The following TCERG1L variants were observed in gnomAD, a reference collection of about 807,000 sequenced individuals.
TCERG1L encodes transcription elongation regulator 1-like protein.
A neutral mutation model predicts 56.3 loss-of-function variants in TCERG1L; 37 were observed. The observed-to-expected ratio is 0.66, with a 90% CI of 0.51 to 0.87. The LOEUF is 0.87. Ranked by LOEUF, TCERG1L falls within the 40% of genes least tolerant of loss-of-function variation. The pLI, the probability that TCERG1L is intolerant of heterozygous loss-of-function variation, is 0.00. For synonymous variants in TCERG1L, 324 were observed against 326.3 expected (o/e 0.99, Z 0.08); for missense variants, 799 against 774.2 (o/e 1.03, Z -0.38).
At chr10:131,293,355 C>T (rs999093115) in intron 3 of TCERG1L, among the ~76,000 whole-genome samples, 3 of 152,124 alleles carry the variant, frequency 2.0e-5, no homozygotes, top group African/African-American at 7.2e-5. Flanking sequence ...GGAGTATCGC[C>T]GTCTTGGACA....
At chr10:131,284,609 T>G (rs1052923734) in intron 3 of TCERG1L, among the ~76,000 whole-genome samples, 1 of 152,130 alleles carries the variant, frequency 6.6e-6, no homozygotes, top group African/African-American at 2.4e-5. Flanking sequence ...AAGTTGTTTC[T>G]TTGAAGAACT....
rs180987780 is a variant in TCERG1L at position 131,093,025 on chromosome 10, G to A, written c.*137C>T. On this transcript the variant is annotated 3_prime_UTR_variant, in exon 12 of 12. Transcript: ENST00000368642. ...TATGAAACAGTAATCCTCTGAGAAC[G>A]AAGACCCCGCAGTGCCGGTGCCCGC... The A allele has an allele frequency of 4.8e-5, 37 of 774,424 alleles. No individual in the cohort carries two copies. Among genetic ancestry groups the A allele is most frequent in the African/African-American group, 4.0e-4 (23 of 57,300 alleles). The allele number at this position is 774,424 out of a possible 1,614,324, so 48.0% of individuals were successfully genotyped here.
chr10:131,280,797 G>A (rs77177013), intron 3 of TCERG1L, among the ~76,000 whole-genome samples: 2,646 of 152,116 alleles, frequency 0.017, 34 homozygotes, highest in Non-Finnish European at 0.027. Flanking sequence ...AGATGCACCC[G>A]ACAGGCTCAG....
chr10:131,298,985 T>C (rs1427468389), intron 3 of TCERG1L, among the ~76,000 whole-genome samples: 1 of 152,218 alleles, frequency 6.6e-6, no homozygotes, highest in Non-Finnish European at 1.5e-5. Flanking sequence ...TTCTGTTCTA[T>C]CAGTTTCTGT....
chr10:131,139,253 C>T (rs1008636929), intron 7 of TCERG1L, among the ~76,000 whole-genome samples: 1 of 152,222 alleles, frequency 6.6e-6, no homozygotes, highest in South Asian at 2.1e-4. Context: ...TGAAATTACA[C>T]AATCGATATG....
chr10:131,307,618 C>T (rs1846829375), intron 3 of TCERG1L, among the ~76,000 whole-genome samples: 4 of 152,076 alleles, frequency 2.6e-5, no homozygotes, highest in Admixed American at 2.6e-4. Context: ...TTATATTCCC[C>T]TGTTACTATA....
intron 4 of TCERG1L, among the ~76,000 whole-genome samples, chr10:131,190,437 C>T (rs1040679935): frequency 9.7e-6 from 1 of 103,540 alleles, no homozygotes; most frequent in Non-Finnish European, 2.2e-5. Context: ...CTAGTATCAC[C>T]CTTTTACCAA....
intron 4 of TCERG1L, among the ~76,000 whole-genome samples, chr10:131,167,271 C>T (rs1846040808): frequency 6.6e-6 from 1 of 152,216 alleles, no homozygotes; most frequent in Admixed American, 6.5e-5. Context: ...GGCTGTTGTC[C>T]ATCTGGTGAC....
intron 4 of TCERG1L, among the ~76,000 whole-genome samples, chr10:131,197,922 C>T (rs1256316542): frequency 6.6e-6 from 1 of 152,180 alleles, no homozygotes; most frequent in Non-Finnish European, 1.5e-5. Context: ...TTTGCTCTTA[C>T]ATTTTGGGGC....
chr10:131,248,179 GACACACACAA>G (rs1846060962), intron 4 of TCERG1L, among the ~76,000 whole-genome samples: 3 of 147,432 alleles, frequency 2.0e-5, no homozygotes, highest in African/African-American at 7.7e-5. Context: ...ACACCCACAT[GACACACACAA>G]ACACACACTA....
At chr10:131,110,429 AG>A (rs986193693) in intron 9 of TCERG1L, among the ~76,000 whole-genome samples, 1 of 152,166 alleles carries the variant, frequency 6.6e-6, no homozygotes, top group Non-Finnish European at 1.5e-5. Flanking sequence ...CCCAGCATTA[AG>A]GGGGCAGCTT....
intron 3 of TCERG1L, among the ~76,000 whole-genome samples, chr10:131,262,130 T>G (rs1846242597): frequency 6.6e-6 from 1 of 152,058 alleles, no homozygotes; most frequent in Admixed American, 6.5e-5. Flanking sequence ...TGACTTGGTT[T>G]TTACTCCAAG....
chr10:131,245,778 G>A (rs1440237074), intron 4 of TCERG1L, among the ~76,000 whole-genome samples: 3 of 152,172 alleles, frequency 2.0e-5, no homozygotes, highest in African/African-American at 4.8e-5. Flanking sequence ...GGGTGCAGTG[G>A]GTGGGAAGTG....
rs1015309745 is a variant in TCERG1L, at chr10:131,114,712, C to T, written c.1395+2087G>A. Among the ~76,000 whole-genome samples the T allele has an allele frequency of 3.3e-5, 5 of 152,102 alleles. No homozygotes were observed. The East Asian group carries it at 5.8e-4, about 18-fold the overall frequency. On this transcript the variant is annotated intron_variant, in intron 9 of 11. Coordinates refer to ENST00000368642, the MANE Select transcript of TCERG1L (RefSeq NM_174937.4). Reference sequence around the variant, plus strand: ...GCATCCCTGCCCGGGAAGGGAAGGCCGGCCTCTCAAGCAGGTAGGTTAGTT... The same window carrying T: ...GCATCCCTGCCCGGGAAGGGAAGGCTGGCCTCTCAAGCAGGTAGGTTAGTT...
At chr10:131,202,626 A>T (rs1230667741) in intron 4 of TCERG1L, among the ~76,000 whole-genome samples, 4 of 152,134 alleles carry the variant, frequency 2.6e-5, no homozygotes, top group Non-Finnish European at 4.4e-5. Flanking sequence ...AGTTCACTAC[A>T]TTTTGGTCTT....
intron 10 of TCERG1L, among the ~76,000 whole-genome samples, chr10:131,101,097 C>T (rs1305076141): frequency 1.3e-5 from 2 of 152,242 alleles, no homozygotes; most frequent in African/African-American, 4.8e-5. Flanking sequence ...GAGCTATATT[C>T]TCATCTCATC....
At chr10:131,106,660 G>A (rs937757428) in intron 9 of TCERG1L, among the ~76,000 whole-genome samples, 2 of 152,134 alleles carry the variant, frequency 1.3e-5, no homozygotes, top group African/African-American at 4.8e-5. Context: ...AAATTCAGAT[G>A]GGGCGTACGT....
intron 4 of TCERG1L, among the ~76,000 whole-genome samples, chr10:131,200,704 T>C (rs1181558506): frequency 2.0e-5 from 3 of 152,162 alleles, no homozygotes; most frequent in Non-Finnish European, 4.4e-5. Context: ...GTTAAAACGT[T>C]TGGAATTACT....
chr10:131,168,327 C>T (rs1846053273), intron 4 of TCERG1L, among the ~76,000 whole-genome samples: 1 of 152,194 alleles, frequency 6.6e-6, no homozygotes, highest in Non-Finnish European at 1.5e-5. Context: ...TGGGGCCCCT[C>T]TGCAGCTCCG....
Sources: gnomAD v4.1 joint callset for allele counts (sites outside exome capture counted in the v4.1 genomes callset) on GRCh38, gnomAD v4.1.1 for gene constraint, MANE v1.5 for transcripts, NCBI Gene and HGNC (gene_info 2026-07-23, HGNC 2026-07-21) for gene names.